PRMT8: variants seen among roughly 807,000 people sequenced by gnomAD.
The protein encoded by PRMT8 is protein arginine N-methyltransferase 8.
A neutral mutation model predicts 47.1 loss-of-function variants in PRMT8; 7 were observed. That is an observed-to-expected ratio of 0.15 (90% CI 0.08 to 0.28). The LOEUF (loss-of-function observed/expected upper bound fraction) is 0.28. Among genes scored for constraint, PRMT8 ranks in the 10% least tolerant of loss-of-function variants. The pLI is 1.00. For missense variants in PRMT8, 237 were observed against 505.4 expected (o/e 0.47, Z 5.09); for synonymous variants, 188 against 186.5 (o/e 1.01, Z -0.07).
chr12:3,491,845 T>A (rs1394799050), intron 1 of PRMT8, 145 bp downstream of exon 1: 1 of 140,876 alleles, frequency 7.1e-6, no homozygotes, highest in Non-Finnish European at 1.2e-5. Context: ...TGTGTGTGTG[T>A]GTGTGTGTGT....
Position 3,593,786 on chromosome 12 carries a change from CT to C in PRMT8, c.*605del, listed in dbSNP as rs1867368665. 1 of 153,090 alleles carries C rather than the reference CT, an allele frequency of 6.5e-6. No individual in the cohort carries two copies. 9.5% of individuals were successfully genotyped at this position (153,090 alleles called of 1,614,324 possible). ...ATATATATTACTCTCAGAGGAGATT[CT>C]GTTGCTTTTGAATAGGAATTTGTTT... On this transcript the variant is annotated 3_prime_UTR_variant, in exon 10 of 10. Transcript: ENST00000382622. This position sits in a 1 kb window ranked among gnomAD's most constrained non-coding sequence, Gnocchi z 4.8.
intron 1 of PRMT8, among the ~76,000 whole-genome samples, chr12:3,395,177 A>G (rs1306089680): frequency 2.0e-5 from 3 of 149,884 alleles, no homozygotes; most frequent in East Asian, 1.9e-4. Flanking sequence ...TGGATTCATT[A>G]ATTTTTTGAA....
chr12:3,556,755 A>C (rs1591600751), intron 4 of PRMT8, among the ~76,000 whole-genome samples: 1 of 152,252 alleles, frequency 6.6e-6, no homozygotes, highest in Non-Finnish European at 1.5e-5. Context: ...AGGTGCAGGA[A>C]AAAGTAAATT....
intron 1 of PRMT8, among the ~76,000 whole-genome samples, chr12:3,474,234 T>C (rs1356156252): frequency 6.6e-6 from 1 of 152,224 alleles, no homozygotes; most frequent in Non-Finnish European, 1.5e-5. Flanking sequence ...GGGGCTCAGA[T>C]AGGCCCAGGT....
chr12:3,571,598 C>T (rs986980942), intron 6 of PRMT8, among the ~76,000 whole-genome samples: 1 of 151,584 alleles, frequency 6.6e-6, no homozygotes, highest in Non-Finnish European at 1.5e-5. Context: ...ATTCTCATTG[C>T]AGTGTTCATA....
At position 3,417,422 on chromosome 12, in the gene PRMT8, G is replaced by A. The variant is rs530808136; in HGVS notation, c.48+35980G>A. 5.3e-5 allele frequency among the ~76,000 whole-genome samples: 8 copies of A among 152,272 alleles called. No individual in the cohort carries two copies. In the South Asian group the frequency reaches 1.7e-3, roughly 32 times the overall value. ...ATGAATTAATTCAAGGAATTATTGA[G>A]AATGCAGAGGAGCGTCCAGCTCTCA... On this transcript the variant is annotated intron_variant, in intron 1 of 9. Coordinates refer to the PRMT8 transcript ENST00000452611.
Position 3,381,966 on chromosome 12 carries a change from G to T in PRMT8, c.48+524G>T, listed in dbSNP as rs149278545. Among the ~76,000 whole-genome samples the T allele has an allele frequency of 4.0e-3, 611 of 152,272 alleles. 12 individuals are homozygous for T. The highest frequency in any genetic ancestry group is 0.014 in the African/African-American group (572 of 41,536). On this transcript the variant is annotated intron_variant, in intron 1 of 9. Transcript: ENST00000452611. ...TCATTTCAAGATAGCTACATAAATG[G>T]AATCATATAGTATGTAACCTTCTGG...
intron 1 of PRMT8, chr12:3,468,972 A>T (rs944171952): frequency 5.2e-5 from 13 of 251,088 alleles, no homozygotes; most frequent in Admixed American, 2.7e-4. Context: ...AGAAGGAACT[A>T]GCGTTATGCC....
chr12:3,558,458 A>G (rs565949542), intron 4 of PRMT8, among the ~76,000 whole-genome samples: 5 of 152,226 alleles, frequency 3.3e-5, no homozygotes, highest in Admixed American at 1.3e-4. Flanking sequence ...TCAGGAAATT[A>G]AAACGTCATC....
chr12:3,563,324 T>C (rs529690680), intron 4 of PRMT8, among the ~76,000 whole-genome samples: 34 of 151,494 alleles, frequency 2.2e-4, no homozygotes, highest in African/African-American at 8.0e-4. Context: ...GATTACACAG[T>C]GAGGACAAAG....
chr12:3,402,017 A>G (rs1565399250), intron 1 of PRMT8, among the ~76,000 whole-genome samples: 1 of 152,170 alleles, frequency 6.6e-6, no homozygotes, highest in East Asian at 1.9e-4. Context: ...GAGCCCAAAT[A>G]GCCAAGACAA....
intron 1 of PRMT8, among the ~76,000 whole-genome samples, chr12:3,438,404 C>T (rs902736633): frequency 3.9e-5 from 6 of 152,250 alleles, no homozygotes; most frequent in African/African-American, 1.4e-4. Context: ...GGCCGTCAGC[C>T]TTGACAGCTT....
rs753243253 is a variant in PRMT8, at chr12:3,540,663, T to C, written c.133T>C (p.Cys45Arg). ...CGTCGTCCCTGCTAAGCCCGTGCAA[T>C]GCGTCCATCATGTGTCCACTCAACC... ...QPVVPAKPVQ[C>R]VHHVSTQPSC... The change falls in exon 2 of 10, where the codon TGC (cysteine) becomes CGC (arginine). Residue 45 changes from cysteine (C) to arginine (R), a missense_variant. By Grantham distance (180) the Cys-to-Arg change is radical. Around this residue, in one of 5 missense-constraint regions of PRMT8, gnomAD observed 43 missense variants for 32.4 expected, o/e 1.33. Transcript: ENST00000382622. 9 of 1,068,262 alleles carry C rather than the reference T, an allele frequency of 8.4e-6. No homozygotes were observed. The African/African-American group carries it at 1.7e-4, about 20-fold the overall frequency. 66.2% of individuals were successfully genotyped at this position (1,068,262 alleles called of 1,614,324 possible). A position where few individuals can be genotyped will look rare whatever the true frequency, so the allele number is the denominator to read the frequency against.
At chr12:3,408,643 A>G (rs1591540945) in intron 1 of PRMT8, among the ~76,000 whole-genome samples, 1 of 151,660 alleles carries the variant, frequency 6.6e-6, no homozygotes, top group Non-Finnish European at 1.5e-5. Context: ...TTGCTTTTTC[A>G]TGTTTCTTTT....
At chr12:3,401,959 T>C (rs1864321736) in intron 1 of PRMT8, among the ~76,000 whole-genome samples, 2 of 152,164 alleles carry the variant, frequency 1.3e-5, no homozygotes, top group African/African-American at 2.4e-5. Flanking sequence ...TTGACATTCT[T>C]CACAGAATTA....
intron 1 of PRMT8, among the ~76,000 whole-genome samples, chr12:3,440,676 A>G (rs1864791319): frequency 6.6e-6 from 1 of 152,122 alleles, no homozygotes; most frequent in African/African-American, 2.4e-5. Context: ...CCAATGCTCC[A>G]TTACATTGTA....
At chr12:3,382,129 C>T (rs537799090) in intron 1 of PRMT8, among the ~76,000 whole-genome samples, 2 of 152,176 alleles carry the variant, frequency 1.3e-5, no homozygotes, top group African/African-American at 4.8e-5. Flanking sequence ...TAACCATTCA[C>T]TCACTGAAGA....
intron 1 of PRMT8, among the ~76,000 whole-genome samples, chr12:3,475,399 C>G (rs1221011654): frequency 6.6e-6 from 1 of 152,174 alleles, no homozygotes; most frequent in Non-Finnish European, 1.5e-5. Context: ...TACCACCAAA[C>G]TGGTTTTAGG....
intron 1 of PRMT8, among the ~76,000 whole-genome samples, chr12:3,385,533 C>T (rs1332638412): frequency 6.6e-6 from 1 of 151,848 alleles, no homozygotes; most frequent in Non-Finnish European, 1.5e-5. Context: ...ATGATTTAGC[C>T]ATATTATTTT....
Sources: allele counts gnomAD v4.1 joint callset (sites outside exome capture counted in the v4.1 genomes callset), GRCh38; gene constraint gnomAD v4.1.1; regional missense constraint gnomAD v4.1.1; non-coding constraint Gnocchi (gnomAD v3.1); transcripts MANE v1.5; gene names NCBI Gene and HGNC (gene_info 2026-07-23, HGNC 2026-07-21).